Variants in VPS13B observed in about 807,000 individuals in gnomAD.
The protein encoded by VPS13B is intermembrane lipid transfer protein VPS13B.
A neutral mutation model predicts 426.4 loss-of-function variants in VPS13B; 285 were observed. That is an observed-to-expected ratio of 0.67 (90% CI 0.61 to 0.74). VPS13B has a LOEUF of 0.74. Ranked by LOEUF, VPS13B falls within the 30% of genes least tolerant of loss-of-function variation. VPS13B has a pLI of 0.00. For synonymous variants in VPS13B, 1,676 were observed against 1,676.4 expected, an observed-to-expected ratio of 1.00 and a Z score of 0.01; for missense variants, 4,537 against 4,782.6, an observed-to-expected ratio of 0.95 and a Z score of 1.51.
intron 19 of VPS13B, among the ~76,000 whole-genome samples, chr8:99,357,195 A>C (rs1247191259): frequency 1.3e-5 from 2 of 152,072 alleles, no homozygotes; most frequent in Non-Finnish European, 2.9e-5. Context: ...TTCTTCCTCT[A>C]CCTCACCTAT....
At chr8:99,716,339 T>G (rs572592341) in intron 36 of VPS13B, among the ~76,000 whole-genome samples, 1 of 152,202 alleles carries the variant, frequency 6.6e-6, no homozygotes, top group African/African-American at 2.4e-5. Flanking sequence ...GGATCAAATA[T>G]CATTAGAAAA....
chr8:99,307,960 C>T (rs759313043), intron 19 of VPS13B, among the ~76,000 whole-genome samples: 28 of 151,944 alleles, frequency 1.8e-4, no homozygotes, highest in Admixed American at 6.6e-4. Flanking sequence ...TTTTCATTTT[C>T]ATTTGTTTCA....
At chr8:99,609,873 G>C (rs555803404) in intron 33 of VPS13B, among the ~76,000 whole-genome samples, 2 of 152,296 alleles carry the variant, frequency 1.3e-5, no homozygotes, top group African/African-American at 4.8e-5. Flanking sequence ...ACTCAGTATT[G>C]CTCTTGCACC....
chr8:99,457,572 T>C (rs1818552287), intron 23 of VPS13B, among the ~76,000 whole-genome samples: 2 of 152,016 alleles, frequency 1.3e-5, no homozygotes, highest in African/African-American at 2.4e-5. Context: ...TTTTCTATCT[T>C]TTTTTTCATT....
At chr8:99,379,998 A>G (rs1211705527) in intron 19 of VPS13B, among the ~76,000 whole-genome samples, 3 of 152,194 alleles carry the variant, frequency 2.0e-5, no homozygotes, top group African/African-American at 7.2e-5. Flanking sequence ...ATTGCTTTAA[A>G]ATCAAAAGGT....
intron 33 of VPS13B, among the ~76,000 whole-genome samples, chr8:99,607,444 G>C (rs535512255): frequency 1.3e-5 from 2 of 152,222 alleles, no homozygotes; most frequent in African/African-American, 4.8e-5. Flanking sequence ...ATACACTGTT[G>C]GGCCTAGACC....
chr8:99,147,512 T>G (rs1588087237), intron 13 of VPS13B, among the ~76,000 whole-genome samples: 1 of 152,192 alleles, frequency 6.6e-6, no homozygotes, highest in Non-Finnish European at 1.5e-5. Flanking sequence ...AGCAAATATT[T>G]TCTGTCAGTC....
intron 17 of VPS13B, among the ~76,000 whole-genome samples, chr8:99,268,248 C>T (rs1016457743): frequency 6.6e-6 from 1 of 152,160 alleles, no homozygotes; most frequent in Admixed American, 6.5e-5. Context: ...GAGGCCAGAG[C>T]CCCCACACAG....
intron 19 of VPS13B, among the ~76,000 whole-genome samples, chr8:99,371,126 T>C (rs1226364530): frequency 3.9e-5 from 6 of 152,232 alleles, no homozygotes; most frequent in Non-Finnish European, 8.8e-5. Context: ...ATGTTATCAT[T>C]ATCACATATT....
Position 99,281,026 on chromosome 8 carries a change from C to T in VPS13B, c.2824+5772C>T, listed in dbSNP as rs541357120. 6.6e-5 allele frequency among the ~76,000 whole-genome samples: 10 copies of T among 152,292 alleles called. No homozygotes were observed. In the East Asian group the frequency reaches 1.9e-3, roughly 29 times the overall value. ...CAACTGTTTTGGCGCCAGGGACCTGCTTCATGGAAGACAATTTTTCAATAG... is the reference window on the plus strand; with the variant it reads ...CAACTGTTTTGGCGCCAGGGACCTGTTTCATGGAAGACAATTTTTCAATAG... On this transcript the variant is annotated intron_variant, in intron 19 of 61. Coordinates refer to ENST00000357162, the MANE Select transcript of VPS13B (RefSeq NM_152564.5).
chr8:99,435,235 T>C (rs1166691833), intron 22 of VPS13B, among the ~76,000 whole-genome samples: 1 of 152,228 alleles, frequency 6.6e-6, no homozygotes, highest in African/African-American at 2.4e-5. Flanking sequence ...TAGCTACCAA[T>C]AATATTTAGT....
At chr8:99,559,095 T>C (rs369376118) in intron 31 of VPS13B, among the ~76,000 whole-genome samples, 5 of 152,262 alleles carry the variant, frequency 3.3e-5, no homozygotes, top group South Asian at 2.1e-4. Flanking sequence ...TTTTAATGAT[T>C]GCCATTCTAA....
intron 25 of VPS13B, among the ~76,000 whole-genome samples, chr8:99,489,191 T>C (rs1046406243): frequency 6.6e-6 from 1 of 152,188 alleles, no homozygotes; most frequent in Non-Finnish European, 1.5e-5. Flanking sequence ...ATCAGATTGT[T>C]GTAGATGTGT....
At chr8:99,277,482 G>A (rs1027410412) in intron 19 of VPS13B, among the ~76,000 whole-genome samples, 17 of 151,824 alleles carry the variant, frequency 1.1e-4, no homozygotes, top group African/African-American at 4.1e-4. Context: ...ATTTAATTTG[G>A]GTGTATATGT....
intron 17 of VPS13B, among the ~76,000 whole-genome samples, chr8:99,194,439 T>C (rs2132733035): frequency 6.6e-6 from 1 of 152,284 alleles, no homozygotes; most frequent in South Asian, 2.1e-4. Context: ...CGCCTACGTT[T>C]GGTAACCACC....
intron 19 of VPS13B, among the ~76,000 whole-genome samples, chr8:99,278,420 CAG>C (rs1819003867): frequency 6.6e-6 from 1 of 152,182 alleles, no homozygotes. Context: ...ATTATAAAAA[CAG>C]TACTTTACAA....
intron 2 of VPS13B, among the ~76,000 whole-genome samples, chr8:99,014,722 G>T (rs1841525450): frequency 6.7e-6 from 1 of 150,008 alleles, no homozygotes; most frequent in African/African-American, 2.5e-5. Context: ...AGCAGATTCA[G>T]ATCATGAGGA....
chr8:99,430,168 A>G lies in VPS13B; in HGVS notation c.3083-1369A>G, dbSNP rs183591734. On this transcript the variant is annotated intron_variant, in intron 21 of 61. Coordinates refer to ENST00000357162, the MANE Select transcript of VPS13B (RefSeq NM_152564.5). Reference sequence around the variant, plus strand: ...TGACAATGTCATAATATATGACAATATAACTATGAGAAAGAAAAAGTCCGT... The same window carrying G: ...TGACAATGTCATAATATATGACAATGTAACTATGAGAAAGAAAAAGTCCGT... Among the ~76,000 whole-genome samples, 81 of 152,340 alleles carry G rather than the reference A, an allele frequency of 5.3e-4. 1 individual carries two copies. The East Asian group carries it at 0.015, about 28-fold the overall frequency.
At chr8:99,555,062 C>T (rs1824482904) in intron 30 of VPS13B, among the ~76,000 whole-genome samples, 1 of 152,060 alleles carries the variant, frequency 6.6e-6, no homozygotes, top group South Asian at 2.1e-4. Flanking sequence ...TGTTTGTTCC[C>T]CTTTTCCCGT....
Sources: gnomAD v4.1 joint callset for allele counts (sites outside exome capture counted in the v4.1 genomes callset) on GRCh38, gnomAD v4.1.1 for gene constraint, MANE v1.5 for transcripts, NCBI Gene and HGNC (gene_info 2026-07-23, HGNC 2026-07-21) for gene names.